Variants in KAZN observed in about 807,000 individuals in gnomAD.
KAZN encodes the protein kazrin.
In KAZN, 40 loss-of-function variants were observed where a neutral mutation model predicts 87.4. The ratio of observed to expected loss-of-function variants is 0.46; its 90% CI spans 0.36 to 0.60. The LOEUF (loss-of-function observed/expected upper bound fraction) is 0.60, where lower values mean the gene tolerates loss of function less well. Among genes scored for constraint, KAZN ranks in the 20% least tolerant of loss-of-function variants. The pLI is 0.00. For missense variants in KAZN, 898 were observed against 1,073.9 expected (o/e 0.84, Z 2.29); for synonymous variants, 466 against 458.3 (o/e 1.02, Z -0.22).
intron 2 of KAZN, among the ~76,000 whole-genome samples, chr1:14,320,733 C>T (rs1293733624): frequency 6.6e-6 from 1 of 152,170 alleles, no homozygotes. Flanking sequence ...AAAACCGCAA[C>T]AGTTGGCAGA....
intron 2 of KAZN, among the ~76,000 whole-genome samples, chr1:15,019,950 T>C (rs957841518): frequency 1.3e-5 from 2 of 152,124 alleles, no homozygotes; most frequent in Admixed American, 1.3e-4. Flanking sequence ...CCCCCTTAAC[T>C]AACCACAGTA....
intron 1 of KAZN, among the ~76,000 whole-genome samples, chr1:14,625,936 C>T (rs974110621): frequency 3.9e-5 from 6 of 152,218 alleles, no homozygotes; most frequent in African/African-American, 4.8e-5. Context: ...TGGATGTCTA[C>T]TTGTTTCTCG....
chr1:13,944,050 G>A (rs570063137), intron 1 of KAZN, among the ~76,000 whole-genome samples: 53 of 152,308 alleles, frequency 3.5e-4, no homozygotes, highest in African/African-American at 1.2e-3. Context: ...GAAAACCATT[G>A]TCCACACAAA....
intron 1 of KAZN, among the ~76,000 whole-genome samples, chr1:14,111,228 C>T (rs1398403095): frequency 1.5e-5 from 2 of 134,390 alleles, no homozygotes; most frequent in African/African-American, 5.8e-5. Context: ...GGCGCCTAGC[C>T]ACAGCACACA....
chr1:14,268,998 A>G (rs1403995959), intron 2 of KAZN, among the ~76,000 whole-genome samples: 3 of 152,244 alleles, frequency 2.0e-5, no homozygotes, highest in African/African-American at 7.2e-5. Flanking sequence ...AGTACAAATT[A>G]CCAGATTTGC....
At chr1:14,315,704 T>C (rs888399382) in intron 2 of KAZN, among the ~76,000 whole-genome samples, 2 of 152,068 alleles carry the variant, frequency 1.3e-5, no homozygotes, top group Non-Finnish European at 2.9e-5. Context: ...TTTAAAGATT[T>C]ATCCCTAGTG....
intron 13 of KAZN, among the ~76,000 whole-genome samples, chr1:15,107,459 C>T (rs890096940): frequency 1.3e-5 from 2 of 152,200 alleles, no homozygotes; most frequent in Admixed American, 6.5e-5. Flanking sequence ...ACTCTAGCCC[C>T]AGGCAACCCA....
chr1:14,592,716 G>A (rs987568190), intron 2 of KAZN, among the ~76,000 whole-genome samples: 3 of 152,234 alleles, frequency 2.0e-5, no homozygotes, highest in Non-Finnish European at 4.4e-5. Context: ...GCTCCTGCAA[G>A]CAGCCACTTG....
intron 1 of KAZN, among the ~76,000 whole-genome samples, chr1:14,674,777 GTTTTC>G (rs977207274): frequency 2.0e-4 from 30 of 151,942 alleles, no homozygotes; most frequent in South Asian, 4.2e-4. Flanking sequence ...ATTTTATCTT[GTTTTC>G]TTTTCTTTTC....
intron 2 of KAZN, among the ~76,000 whole-genome samples, chr1:15,024,492 G>A (rs1670985059): frequency 6.6e-6 from 1 of 152,268 alleles, no homozygotes; most frequent in Non-Finnish European, 1.5e-5. Context: ...TGTGAAAGAT[G>A]TGAGAGAGAA....
chr1:15,021,987 C>T lies in KAZN; in HGVS notation c.419-12762C>T, dbSNP rs570050192. Reference sequence around the variant, plus strand: ...GAGCCAGGGGAAAACCATCAGATCTCGTGAGACTTATTCACTGCCATGAGA... The same window carrying T: ...GAGCCAGGGGAAAACCATCAGATCTTGTGAGACTTATTCACTGCCATGAGA... On this transcript the variant is annotated intron_variant, in intron 2 of 14. Transcript: ENST00000376030. The surrounding 1 kb of genome is among the most constrained non-coding windows in gnomAD (Gnocchi z 4.2). Among the ~76,000 whole-genome samples the T allele has an allele frequency of 1.3e-5, 2 of 152,114 alleles. No homozygotes were observed. Among genetic ancestry groups the T allele is most frequent in the Non-Finnish European group, 2.9e-5 (2 of 68,014 alleles).
At chr1:15,046,778 G>T (rs1014386344) in intron 4 of KAZN, among the ~76,000 whole-genome samples, 3 of 152,222 alleles carry the variant, frequency 2.0e-5, no homozygotes, top group Non-Finnish European at 2.9e-5. Flanking sequence ...GGTCCAGGGG[G>T]TTCCCACCAG....
chr1:14,940,898 CTTTTTT>C (rs66777443), intron 1 of KAZN, among the ~76,000 whole-genome samples: 12 of 54,404 alleles, frequency 2.2e-4, no homozygotes, highest in South Asian at 7.3e-4. Flanking sequence ...TTCTACCTTT[CTTTTTT>C]TTTTTTTTTT....
At chr1:14,879,414 T>C (rs1653097760) in intron 1 of KAZN, among the ~76,000 whole-genome samples, 1 of 152,266 alleles carries the variant, frequency 6.6e-6, no homozygotes, top group Non-Finnish European at 1.5e-5. Flanking sequence ...GAGATTATTA[T>C]AGCCAGTGCT....
At chr1:14,355,402 ATTTATT>A (rs1658931521) in intron 2 of KAZN, among the ~76,000 whole-genome samples, 1 of 19,542 alleles carries the variant, frequency 5.1e-5, no homozygotes, top group African/African-American at 1.2e-4. Context: ...CAATCTACAT[ATTTATT>A]TATTTATTTA....
At chr1:14,498,052 G>T (rs1246938078) in intron 2 of KAZN, among the ~76,000 whole-genome samples, 2 of 152,174 alleles carry the variant, frequency 1.3e-5, no homozygotes, top group South Asian at 2.1e-4. Flanking sequence ...CACCTCATTC[G>T]TATTCAATGT....
intron 6 of KAZN, 77 bp downstream of exon 6, chr1:15,060,379 C>T: frequency 6.3e-7 from 1 of 1,575,542 alleles, no homozygotes; most frequent in South Asian, 1.1e-5. Context: ...CGGGGTGAAG[C>T]CATACTCGCT....
At chr1:14,740,968 G>C (rs1458690917) in intron 1 of KAZN, among the ~76,000 whole-genome samples, 1 of 152,186 alleles carries the variant, frequency 6.6e-6, no homozygotes, top group Non-Finnish European at 1.5e-5. Context: ...TCTGTTCACA[G>C]ACCTGGAGGG....
chr1:14,327,144 T>C (rs1443154766), intron 2 of KAZN, among the ~76,000 whole-genome samples: 1 of 152,204 alleles, frequency 6.6e-6, no homozygotes, highest in African/African-American at 2.4e-5. Context: ...AGGAATTACT[T>C]ATTTAAAAAG....
Sources: allele counts gnomAD v4.1 joint callset (sites outside exome capture counted in the v4.1 genomes callset), GRCh38; gene constraint gnomAD v4.1.1; non-coding constraint Gnocchi (gnomAD v3.1); transcripts MANE v1.5; gene names NCBI Gene and HGNC (gene_info 2026-07-23, HGNC 2026-07-21).